DGKG: variants seen among roughly 807,000 people sequenced by gnomAD.
The protein encoded by DGKG is DAG kinase gamma.
A neutral mutation model predicts 105.3 loss-of-function variants in DGKG; 78 were observed. The ratio of observed to expected loss-of-function variants is 0.74; its 90% confidence interval spans 0.62 to 0.89. DGKG has a LOEUF of 0.89. Ranked by LOEUF, DGKG falls within the 40% of genes least tolerant of loss-of-function variation. The pLI is 0.00. For synonymous variants in DGKG, 346 were observed against 367.1 expected, an observed-to-expected ratio of 0.94 and a Z score of 0.66; for missense variants, 958 against 1,020.1, an observed-to-expected ratio of 0.94 and a Z score of 0.83.
In DGKG at chr3:186,233,223, G is replaced by A. The variant is rs141610752; in HGVS notation, c.1826+9281C>T. ...TTCAGTGCAATCAGCGTTCTCATAA[G>A]TGGAAGAGGGAGGCAGGAGAAAGAA... On this transcript the variant is annotated intron_variant, in intron 20 of 24. Transcript: ENST00000265022. 3.7e-4 allele frequency among the ~76,000 whole-genome samples: 56 copies of A among 152,316 alleles called. No homozygotes were observed. In the East Asian group the frequency reaches 8.9e-3, roughly 24 times the overall value.
At chr3:186,241,385 TC>T (rs1455439774) in intron 20 of DGKG, among the ~76,000 whole-genome samples, 1 of 151,996 alleles carries the variant, frequency 6.6e-6, no homozygotes, top group Non-Finnish European at 1.5e-5. Flanking sequence ...AAACCCCATC[TC>T]TACTAAAAAT....
chr3:186,332,380 A>G (rs2108652349), intron 1 of DGKG, among the ~76,000 whole-genome samples: 1 of 152,308 alleles, frequency 6.6e-6, no homozygotes, highest in African/African-American at 2.4e-5. Flanking sequence ...TAACAGTGGA[A>G]ATTTAAGGAA....
At chr3:186,272,188 A>G in intron 11 of DGKG, 67 bp downstream of exon 11, 1 of 1,282,462 alleles carries the variant, frequency 7.8e-7, no homozygotes, top group Non-Finnish European at 1.1e-6. Flanking sequence ...CTGCCCAGGA[A>G]TCCATGTTGA....
At chr3:186,256,389 A>G (rs1294258823) in intron 17 of DGKG, among the ~76,000 whole-genome samples, 2 of 152,072 alleles carry the variant, frequency 1.3e-5, no homozygotes, top group Non-Finnish European at 2.9e-5. Flanking sequence ...TCCCACATAC[A>G]GTCTGTCAGC....
At chr3:186,187,590 G>A (rs2108500184) in intron 22 of DGKG, among the ~76,000 whole-genome samples, 1 of 152,296 alleles carries the variant, frequency 6.6e-6, no homozygotes, top group South Asian at 2.1e-4. Context: ...TGGAGCTCAG[G>A]GAAAGCTGGA....
chr3:186,160,387 A>G (rs934109970), intron 24 of DGKG: 52 of 985,178 alleles, frequency 5.3e-5, no homozygotes, highest in Non-Finnish European at 5.9e-5. Context: ...ATTCTTCTCA[A>G]CTCAGTTCCA....
At chr3:186,245,245 G>C (rs1428990982) in intron 19 of DGKG, among the ~76,000 whole-genome samples, 2 of 152,286 alleles carry the variant, frequency 1.3e-5, no homozygotes, top group South Asian at 2.1e-4. Flanking sequence ...AACATTATTA[G>C]TGAAGCACGT....
intron 11 of DGKG, among the ~76,000 whole-genome samples, chr3:186,269,890 G>T (rs1166678223): frequency 6.6e-6 from 1 of 152,148 alleles, no homozygotes; most frequent in African/African-American, 2.4e-5. Context: ...GCTAAAGCAA[G>T]AGCAGCTGGC....
chr3:186,201,309 G>A (rs1393316646), intron 21 of DGKG, among the ~76,000 whole-genome samples: 1 of 152,062 alleles, frequency 6.6e-6, no homozygotes, highest in African/African-American at 2.4e-5. Context: ...AGGGCCTGAT[G>A]GCCTGGGGGC....
At chr3:186,164,821 A>G in intron 23 of DGKG, 77 bp downstream of exon 23, 2 of 1,494,256 alleles carry the variant, frequency 1.3e-6, no homozygotes, top group Non-Finnish European at 1.8e-6. Flanking sequence ...AAATCCAAAG[A>G]TGGCTTCTCA....
chr3:186,315,938 G>C (rs1350918987), intron 2 of DGKG, among the ~76,000 whole-genome samples: 1 of 152,250 alleles, frequency 6.6e-6, no homozygotes, highest in East Asian at 1.9e-4. Flanking sequence ...AAAAAGATCT[G>C]ACAGCAGCTT....
Position 186,209,489 on chromosome 3 carries a change from G to T in DGKG, c.1917+2306C>A, listed in dbSNP as rs1365930299. Among the ~76,000 whole-genome samples, 4 of 152,102 alleles carry T rather than the reference G, an allele frequency of 2.6e-5. No individual in the cohort carries two copies. In the East Asian group the frequency reaches 7.7e-4, roughly 29 times the overall value. Reference sequence around the variant, plus strand: ...TCTGGACTACTTAGCTCACAGGGTTGGTTGTGTGACTTTGAAATAAAGGCT... The same window carrying T: ...TCTGGACTACTTAGCTCACAGGGTTTGTTGTGTGACTTTGAAATAAAGGCT... On this transcript the variant is annotated intron_variant, in intron 21 of 24. Transcript: ENST00000265022.
intron 24 of DGKG, among the ~76,000 whole-genome samples, chr3:186,155,279 G>A (rs1715980641): frequency 6.6e-6 from 1 of 152,004 alleles, no homozygotes; most frequent in African/African-American, 2.4e-5. Context: ...TGCAACCTCC[G>A]CCTCCCGGGT....
rs934923654 is a variant in DGKG at position 186,147,465 on chromosome 3, G to A, written c.*2625C>T. On this transcript the variant is annotated 3_prime_UTR_variant, in exon 25 of 25. Transcript: ENST00000265022. ...AGGGACTCCACCACAAGAAACCACAGTCATAGTGTTTAAAGGATGATTTGC... is the reference window on the plus strand; with the variant it reads ...AGGGACTCCACCACAAGAAACCACAATCATAGTGTTTAAAGGATGATTTGC... 1 of 985,250 alleles carries A rather than the reference G, an allele frequency of 1.0e-6. No individual in the cohort carries two copies. The highest frequency in any genetic ancestry group is 1.7e-5 in the African/African-American group (1 of 57,224). 61.0% of individuals were successfully genotyped at this position (985,250 alleles called of 1,614,324 possible). A position where few individuals can be genotyped will look rare whatever the true frequency, so the allele number is the denominator to read the frequency against.
chr3:186,194,074 G>A (rs1453580366), intron 21 of DGKG, among the ~76,000 whole-genome samples: 1 of 152,252 alleles, frequency 6.6e-6, no homozygotes, highest in African/African-American at 2.4e-5. Context: ...CCCAGGCCCG[G>A]GAGGCCAGAG....
Position 186,164,979 on chromosome 3 carries a change from CCTT to C in DGKG, c.2132_2134del (p.Glu711del). ...GTAGATCTGCCCCATCTCCATGGCTCCTTCTAGCCCCACCACTTCAAGGAGCTG... is the reference window on the plus strand; with the variant it reads ...GTAGATCTGCCCCATCTCCATGGCTCCTAGCCCCACCACTTCAAGGAGCTG... On this transcript the variant is annotated inframe_deletion, in exon 23 of 25. Transcript: ENST00000265022. The C allele has an allele frequency of 6.4e-7, 1 of 1,564,874 alleles. No individual in the cohort carries two copies. The highest frequency in any genetic ancestry group is 1.2e-5 in the South Asian group (1 of 86,052).
At chr3:186,253,639 T>C (rs1015767685) in intron 17 of DGKG, among the ~76,000 whole-genome samples, 5 of 152,202 alleles carry the variant, frequency 3.3e-5, no homozygotes, top group African/African-American at 7.2e-5. Context: ...CATTCTACCC[T>C]GAACACGCTC....
intron 3 of DGKG, 187 bp downstream of exon 3, chr3:186,306,714 G>A: frequency 1.7e-6 from 1 of 581,170 alleles, no homozygotes; most frequent in Non-Finnish European, 3.1e-6. Context: ...CTAGGACAGT[G>A]GAATGAGTGT....
intron 5 of DGKG, among the ~76,000 whole-genome samples, chr3:186,294,379 A>G (rs1486143378): frequency 1.3e-5 from 2 of 152,094 alleles, no homozygotes; most frequent in South Asian, 4.2e-4. Flanking sequence ...CTACAAAAAA[A>G]GAAAAATTAG....
Sources: gnomAD v4.1 joint callset for allele counts (sites outside exome capture counted in the v4.1 genomes callset) on GRCh38, gnomAD v4.1.1 for gene constraint, MANE v1.5 for transcripts, NCBI Gene and HGNC (gene_info 2026-07-23, HGNC 2026-07-21) for gene names.